The following LEPR variants were observed in gnomAD, a reference collection of about 807,000 sequenced individuals.
LEPR encodes the protein OB receptor.
In LEPR, 56 loss-of-function variants were observed where a neutral mutation model predicts 114.7. That is an observed-to-expected ratio of 0.49 (90% CI 0.39 to 0.61). LEPR has a LOEUF of 0.61. Among genes scored for constraint, LEPR ranks in the 20% least tolerant of loss-of-function variants. The pLI is 0.00. For missense variants in LEPR, 1,202 were observed against 1,352.9 expected (o/e 0.89, Z 1.75); for synonymous variants, 443 against 461.4 (o/e 0.96, Z 0.51).
chr1:65,572,416 ATTATAAC>A lies in LEPR; in HGVS notation c.463_469del (p.Tyr155IlefsTer13), dbSNP rs1425446642. ...TCATTATTTAAGAATCTATTCAGGA[ATTATAAC>A]TATAAGGTCCATCTTTTATATGTTC... On this transcript the variant is annotated frameshift_variant, in exon 5 of 20. Transcript: ENST00000349533. LOFTEE classifies it high-confidence loss of function. The A allele has an allele frequency of 1.2e-6, 2 of 1,600,542 alleles. No individual in the cohort carries two copies.
chr1:65,446,377 A>G (rs141771085), intron 2 of LEPR, among the ~76,000 whole-genome samples: 5 of 152,148 alleles, frequency 3.3e-5, no homozygotes, highest in Non-Finnish European at 5.9e-5. Context: ...CGCTAGTGGG[A>G]GTGTCTTTTG....
At chr1:65,464,562 C>A (rs1646986067) in intron 2 of LEPR, among the ~76,000 whole-genome samples, 1 of 152,180 alleles carries the variant, frequency 6.6e-6, no homozygotes, top group Non-Finnish European at 1.5e-5. Flanking sequence ...GGAGGATATC[C>A]TCTTTTTCTA....
At chr1:65,564,208 C>A (rs1490400475) in intron 2 of LEPR, among the ~76,000 whole-genome samples, 1 of 150,878 alleles carries the variant, frequency 6.6e-6, no homozygotes. Flanking sequence ...CAGCGAGATT[C>A]CGTGGGCGTA....
intron 10 of LEPR, among the ~76,000 whole-genome samples, chr1:65,604,811 T>C (rs1656706561): frequency 2.6e-5 from 4 of 152,096 alleles, no homozygotes; most frequent in Non-Finnish European, 5.9e-5. Context: ...GGGCATGCGC[T>C]CCTCATGAGA....
chr1:65,623,097 A>G, intron 19 of LEPR, 116 bp downstream of exon 19: 2 of 947,544 alleles, frequency 2.1e-6, no homozygotes, highest in Non-Finnish European at 3.2e-6. Flanking sequence ...TATTCAATTC[A>G]TCTTAATATA....
At chr1:65,581,715 C>G (rs1318355182) in intron 5 of LEPR, among the ~76,000 whole-genome samples, 2 of 152,176 alleles carry the variant, frequency 1.3e-5, no homozygotes, top group African/African-American at 4.8e-5. Flanking sequence ...ATGAAGTCCT[C>G]TTTCCTTTTG....
At chr1:65,492,962 G>C (rs1647958451) in intron 2 of LEPR, among the ~76,000 whole-genome samples, 1 of 151,934 alleles carries the variant, frequency 6.6e-6, no homozygotes, top group South Asian at 2.1e-4. Context: ...CAACCCATCA[G>C]CTAGGTATTA....
At chr1:65,557,738 GT>G (rs1207856167) in intron 2 of LEPR, among the ~76,000 whole-genome samples, 1 of 152,102 alleles carries the variant, frequency 6.6e-6, no homozygotes, top group East Asian at 1.9e-4. Context: ...TGTATTATTT[GT>G]GTTTTAAAAA....
chr1:65,424,202 A>T (rs896148179), intron 1 of LEPR, among the ~76,000 whole-genome samples: 1 of 152,242 alleles, frequency 6.6e-6, no homozygotes, highest in African/African-American at 2.4e-5. Flanking sequence ...CTAGTGTCCA[A>T]TAGATACAGG....
intron 2 of LEPR, among the ~76,000 whole-genome samples, chr1:65,488,087 CTT>C (rs1647595829): frequency 7.7e-6 from 1 of 129,854 alleles, no homozygotes; most frequent in Non-Finnish European, 1.6e-5. Context: ...CTCTCTCTTC[CTT>C]TCTTTCCTTC....
chr1:65,600,560 C>T (rs575705969), intron 8 of LEPR, among the ~76,000 whole-genome samples: 5 of 152,226 alleles, frequency 3.3e-5, no homozygotes, highest in African/African-American at 1.2e-4. Flanking sequence ...TTTACCTTAA[C>T]TTTACAACTG....
chr1:65,423,339 A>G (rs1646290505), intron 1 of LEPR, among the ~76,000 whole-genome samples: 1 of 152,114 alleles, frequency 6.6e-6, no homozygotes, highest in African/African-American at 2.4e-5. Context: ...CTCCAACTTT[A>G]AGAGATTCAG....
intron 2 of LEPR, among the ~76,000 whole-genome samples, chr1:65,545,061 G>C: frequency 6.8e-6 from 1 of 147,430 alleles, no homozygotes. Flanking sequence ...GCGGTGTTTG[G>C]TTTTTTGTTC....
At chr1:65,551,198 C>G (rs1214720132) in intron 2 of LEPR, among the ~76,000 whole-genome samples, 1 of 151,890 alleles carries the variant, frequency 6.6e-6, no homozygotes, top group Non-Finnish European at 1.5e-5. Context: ...TTGTCTATGC[C>G]AGGTTTTAGT....
intron 5 of LEPR, among the ~76,000 whole-genome samples, chr1:65,585,873 G>C (rs939029944): frequency 1.3e-5 from 2 of 151,864 alleles, no homozygotes; most frequent in African/African-American, 4.8e-5. Flanking sequence ...TTCTTATACT[G>C]ACTTTGGCAT....
At chr1:65,568,536 G>A (rs1018331932) in intron 3 of LEPR, among the ~76,000 whole-genome samples, 1 of 151,878 alleles carries the variant, frequency 6.6e-6, no homozygotes, top group Non-Finnish European at 1.5e-5. Flanking sequence ...GCATGTGCAT[G>A]TGTGTGAATA....
At chr1:65,626,454 G>C (rs1658219168) in intron 19 of LEPR, 1 of 313,366 alleles carries the variant, frequency 3.2e-6, no homozygotes, top group African/African-American at 2.3e-5. Flanking sequence ...AAGATGCTTA[G>C]TTTATTACTA....
chr1:65,610,069 G>C lies in LEPR; in HGVS notation c.1875G>C (p.Trp625Cys). Residue 625 changes from tryptophan to cysteine, a missense_variant, in exon 13 of 20, where the codon TGG becomes TGC. By Grantham distance (215) the Trp-to-Cys change is radical. Transcript: ENST00000349533. ...ATGGACTGGGATATTGGAGTAATTG[G>C]AGCAATCCAGCCTACACAGTTGTCA... The part of the protein sequence containing the change: ...RLDGLGYWSN[W>C]SNPAYTVVMD... 1 of 1,614,194 alleles carries C rather than the reference G, an allele frequency of 6.2e-7. No homozygotes were observed. The highest frequency in any genetic ancestry group is 8.5e-7 in the Non-Finnish European group (1 of 1,180,022).
At chr1:65,612,159 G>C (rs762976263) in intron 14 of LEPR, among the ~76,000 whole-genome samples, 3 of 152,152 alleles carry the variant, frequency 2.0e-5, no homozygotes, top group African/African-American at 7.2e-5. Flanking sequence ...AAGGCCACAG[G>C]ATAAGTATGG....
Sources: gnomAD v4.1 joint callset for allele counts (sites outside exome capture counted in the v4.1 genomes callset) on GRCh38, gnomAD v4.1.1 for gene constraint, MANE v1.5 for transcripts, NCBI Gene and HGNC (gene_info 2026-07-23, HGNC 2026-07-21) for gene names.